Variants in ATRNL1 observed in about 807,000 individuals in gnomAD.
ATRNL1 encodes the protein attractin like 1.
In ATRNL1, 95 loss-of-function variants were observed where a neutral mutation model predicts 182.7. The ratio of observed to expected loss-of-function variants is 0.52; its 90% CI spans 0.44 to 0.62. The LOEUF is 0.62. Among genes scored for constraint, ATRNL1 ranks in the 20% least tolerant of loss-of-function variants. ATRNL1 has a pLI of 0.00. For synonymous variants in ATRNL1, 576 were observed against 568.3 expected (o/e 1.01, Z -0.19); for missense variants, 1,471 against 1,679.5 (o/e 0.88, Z 2.17).
At chr10:115,358,853 T>C (rs782089481) in intron 19 of ATRNL1, among the ~76,000 whole-genome samples, 30 of 151,682 alleles carry the variant, frequency 2.0e-4, no homozygotes, top group Non-Finnish European at 4.0e-4. Context: ...ACATCCATTG[T>C]CCTACTTATG....
At chr10:115,632,299 C>A (rs1208767348) in intron 26 of ATRNL1, among the ~76,000 whole-genome samples, 1 of 151,776 alleles carries the variant, frequency 6.6e-6, no homozygotes, top group Non-Finnish European at 1.5e-5. Context: ...TTGGGTGGAT[C>A]CAATAAATGT....
chr10:115,532,135 T>C (rs12768060), intron 25 of ATRNL1, among the ~76,000 whole-genome samples: 26,100 of 150,234 alleles, frequency 0.17, 2,902 homozygotes, highest in Non-Finnish European at 0.25. Flanking sequence ...TCCATATGAA[T>C]TTTAAAGTAG....
At chr10:115,183,913 A>G (rs1293397242) in intron 8 of ATRNL1, among the ~76,000 whole-genome samples, 1 of 151,532 alleles carries the variant, frequency 6.6e-6, no homozygotes, top group Non-Finnish European at 1.5e-5. Context: ...TTAAATATCA[A>G]CACAAAATTC....
intron 26 of ATRNL1, among the ~76,000 whole-genome samples, chr10:115,600,553 T>C: frequency 6.6e-6 from 1 of 152,130 alleles, no homozygotes; most frequent in East Asian, 1.9e-4. Context: ...CTTCAATTTT[T>C]TGCTCATTTT....
intron 8 of ATRNL1, among the ~76,000 whole-genome samples, chr10:115,183,433 A>G (rs1554888163): frequency 6.6e-6 from 1 of 151,400 alleles, no homozygotes; most frequent in African/African-American, 2.4e-5. Flanking sequence ...AATTTTTTTG[A>G]AAAAAACAGA....
intron 8 of ATRNL1, 112 bp downstream of exon 8, chr10:115,171,404 A>C: frequency 1.1e-6 from 1 of 942,262 alleles, no homozygotes; most frequent in Non-Finnish European, 1.5e-6. Flanking sequence ...TTGAAATTAT[A>C]AGCTGATAAT....
chr10:115,527,420 C>G (rs1375436926), intron 25 of ATRNL1, among the ~76,000 whole-genome samples: 1 of 152,098 alleles, frequency 6.6e-6, no homozygotes, highest in African/African-American at 2.4e-5. Flanking sequence ...TGTCCCCAGC[C>G]AGAGAAGTAT....
At chr10:115,416,450 C>A (rs1238126491) in intron 20 of ATRNL1, among the ~76,000 whole-genome samples, 1 of 152,088 alleles carries the variant, frequency 6.6e-6, no homozygotes, top group Non-Finnish European at 1.5e-5. Flanking sequence ...ATATATGTTT[C>A]TAATTTGCTT....
chr10:115,897,932 ATT>A (rs113910145), intron 28 of ATRNL1, among the ~76,000 whole-genome samples: 1 of 146,002 alleles, frequency 6.8e-6, no homozygotes. Flanking sequence ...GGTCATCCTT[ATT>A]TTTTTTTTTT....
At chr10:115,320,933 T>G (rs1171173326) in intron 18 of ATRNL1, among the ~76,000 whole-genome samples, 1 of 152,152 alleles carries the variant, frequency 6.6e-6, no homozygotes, top group Non-Finnish European at 1.5e-5. Context: ...TTGTGATCAT[T>G]CGGAGGAGAA....
At chr10:115,293,287 A>G (rs1164084337) in intron 15 of ATRNL1, among the ~76,000 whole-genome samples, 3 of 151,882 alleles carry the variant, frequency 2.0e-5, no homozygotes, top group Non-Finnish European at 4.4e-5. Flanking sequence ...ATTGTTAGTT[A>G]TTTTTTTAAA....
intron 19 of ATRNL1, among the ~76,000 whole-genome samples, chr10:115,390,479 T>A (rs185227750): frequency 6.6e-6 from 1 of 152,312 alleles, no homozygotes; most frequent in East Asian, 1.9e-4. Flanking sequence ...TTGTCAAAAA[T>A]CAGTAGATTG....
chr10:115,550,516 T>C (rs1361186977), intron 26 of ATRNL1, among the ~76,000 whole-genome samples: 1 of 151,886 alleles, frequency 6.6e-6, no homozygotes, highest in African/African-American at 2.4e-5. Flanking sequence ...ATCTATAATA[T>C]ATTTGCAAAC....
intron 14 of ATRNL1, among the ~76,000 whole-genome samples, chr10:115,283,306 C>T (rs1314379484): frequency 2.0e-5 from 3 of 151,776 alleles, no homozygotes; most frequent in African/African-American, 7.3e-5. Context: ...TTCAGCTACT[C>T]GGGAGGCTGA....
intron 8 of ATRNL1, among the ~76,000 whole-genome samples, chr10:115,172,989 CCT>C (rs1430798684): frequency 4.6e-5 from 7 of 151,780 alleles, no homozygotes; most frequent in African/African-American, 1.7e-4. Context: ...CATACCTTTT[CCT>C]CTCTCCTCAA....
intron 24 of ATRNL1, among the ~76,000 whole-genome samples, chr10:115,475,467 T>C (rs1554972931): frequency 6.6e-6 from 1 of 151,482 alleles, no homozygotes; most frequent in Admixed American, 6.6e-5. Flanking sequence ...TGCTTCTTAA[T>C]CGTTATAGTA....
intron 8 of ATRNL1, among the ~76,000 whole-genome samples, chr10:115,189,453 G>C (rs1360485559): frequency 6.6e-6 from 1 of 152,144 alleles, no homozygotes; most frequent in East Asian, 1.9e-4. Flanking sequence ...AGACCTTCCA[G>C]TGGGACAAGA....
intron 26 of ATRNL1, among the ~76,000 whole-genome samples, chr10:115,664,200 C>A (rs1860868578): frequency 6.6e-6 from 1 of 152,150 alleles, no homozygotes; most frequent in Non-Finnish European, 1.5e-5. Context: ...CTCCCTATAC[C>A]AATCTGTAGG....
At chr10:115,753,061 TAGGA>T (rs1233517548) in intron 27 of ATRNL1, among the ~76,000 whole-genome samples, 1 of 152,042 alleles carries the variant, frequency 6.6e-6, no homozygotes, top group Non-Finnish European at 1.5e-5. Context: ...ATCTAGAAGA[TAGGA>T]ATAATAATAC....
Sources: gnomAD v4.1 joint callset for allele counts (sites outside exome capture counted in the v4.1 genomes callset) on GRCh38, gnomAD v4.1.1 for gene constraint, MANE v1.5 for transcripts, NCBI Gene and HGNC (gene_info 2026-07-23, HGNC 2026-07-21) for gene names.